The following SLC24A4 variants were observed in gnomAD, a reference collection of about 807,000 sequenced individuals.
SLC24A4 encodes the protein solute carrier family 24 member 4.
SLC24A4 carries 53 observed loss-of-function variants against 79.0 expected under a neutral mutation model. The observed-to-expected ratio is 0.67, with a 90% CI of 0.54 to 0.84. SLC24A4 has a LOEUF of 0.84. SLC24A4 is among the 40% of genes least tolerant of loss of function. The pLI is 0.00. For missense variants in SLC24A4, 731 were observed against 822.0 expected (o/e 0.89, Z 1.35); for synonymous variants, 323 against 323.8 (o/e 1.00, Z 0.03).
intron 2 of SLC24A4, among the ~76,000 whole-genome samples, chr14:92,338,645 A>G (rs933933441): frequency 1.3e-5 from 2 of 152,214 alleles, no homozygotes; most frequent in African/African-American, 4.8e-5. Context: ...AAGTTCAGGG[A>G]TGGCTGGGCA....
At chr14:92,324,904 T>C (rs1457459437) in intron 1 of SLC24A4, among the ~76,000 whole-genome samples, 5 of 152,224 alleles carry the variant, frequency 3.3e-5, no homozygotes, top group African/African-American at 1.2e-4. Flanking sequence ...CACTGATAGG[T>C]AAAAATCCAG....
chr14:92,375,904 G>A (rs1203021137), intron 2 of SLC24A4, among the ~76,000 whole-genome samples: 1 of 152,080 alleles, frequency 6.6e-6, no homozygotes, highest in East Asian at 1.9e-4. Context: ...CTTCCCAAAG[G>A]TGGTGTGTGC....
intron 2 of SLC24A4, among the ~76,000 whole-genome samples, chr14:92,362,882 C>T (rs932838822): frequency 5.3e-5 from 8 of 152,360 alleles, no homozygotes; most frequent in African/African-American, 1.9e-4. Context: ...TCTTCAAACT[C>T]AGTCAGCCAG....
At chr14:92,429,322 AC>A (rs1203332854) in intron 2 of SLC24A4, among the ~76,000 whole-genome samples, 2 of 151,848 alleles carry the variant, frequency 1.3e-5, no homozygotes, top group South Asian at 2.1e-4. Flanking sequence ...GTTTCTCAAA[AC>A]CCATTGAACT....
rs1889937663 is a variant in SLC24A4, at chr14:92,398,971, A to T, written c.242-34941A>T. Among the ~76,000 whole-genome samples, 1 of 152,224 alleles carries T rather than the reference A, an allele frequency of 6.6e-6. No homozygotes were observed. Among genetic ancestry groups the T allele is most frequent in the South Asian group, 2.1e-4 (1 of 4,826 alleles). ...TGTAACTCTCCAGTATTTGAGGATG[A>T]TCAAGTATCCTACTTCAGGGGGATT... On this transcript the variant is annotated intron_variant, in intron 2 of 16. Coordinates refer to ENST00000532405, the MANE Select transcript of SLC24A4 (RefSeq NM_153646.4). The surrounding 1 kb of genome is among the most constrained non-coding windows in gnomAD (Gnocchi z 4.1).
At chr14:92,373,462 C>G (rs1317471573) in intron 2 of SLC24A4, among the ~76,000 whole-genome samples, 1 of 152,230 alleles carries the variant, frequency 6.6e-6, no homozygotes, top group Non-Finnish European at 1.5e-5. Context: ...CAGCCAGTGT[C>G]TGACCCCCTC....
chr14:92,383,122 A>G (rs12435920), intron 2 of SLC24A4, among the ~76,000 whole-genome samples: 74,288 of 152,018 alleles, frequency 0.49, 19,486 homozygotes, highest in East Asian at 0.96. Context: ...ATGGCTTCAC[A>G]TTCGTCTTCA....
intron 12 of SLC24A4, among the ~76,000 whole-genome samples, chr14:92,476,141 G>A (rs954677353): frequency 1.3e-5 from 2 of 152,172 alleles, no homozygotes; most frequent in Admixed American, 6.5e-5. Flanking sequence ...CCGCAAAGAC[G>A]TTCCTGGGCA....
chr14:92,419,739 A>T (rs966684665), intron 2 of SLC24A4, among the ~76,000 whole-genome samples: 3 of 152,254 alleles, frequency 2.0e-5, no homozygotes, highest in Admixed American at 1.3e-4. Context: ...CTAAGAGTTC[A>T]TTCATACAGG....
intron 2 of SLC24A4, among the ~76,000 whole-genome samples, chr14:92,421,832 T>A (rs915988544): frequency 1.3e-5 from 2 of 152,138 alleles, no homozygotes; most frequent in African/African-American, 4.8e-5. Context: ...AAAACTTCAT[T>A]TTTTTAAAAA....
At chr14:92,409,440 C>T (rs754536646) in intron 2 of SLC24A4, among the ~76,000 whole-genome samples, 4 of 152,202 alleles carry the variant, frequency 2.6e-5, no homozygotes, top group Non-Finnish European at 5.9e-5. Flanking sequence ...CCATTTGGAG[C>T]TGTGCAGCTG....
At chr14:92,414,765 ACGTGGTTGCCACAATCT>A (rs2141802843) in intron 2 of SLC24A4, among the ~76,000 whole-genome samples, 1 of 152,248 alleles carries the variant, frequency 6.6e-6, no homozygotes, top group South Asian at 2.1e-4. Context: ...GAAAACAATC[ACGTGGTTGCCACAATCT>A]CAAATTGCTT....
At chr14:92,486,804 A>G in intron 14 of SLC24A4, 24 bp downstream of exon 14, 1 of 1,564,114 alleles carries the variant, frequency 6.4e-7, no homozygotes, top group Non-Finnish European at 8.8e-7. Flanking sequence ...CCCAGCCCTC[A>G]TAGTCATGCA....
chr14:92,456,836 C>T lies in SLC24A4; in HGVS notation c.1255+228C>T, dbSNP rs534346569. Among the ~76,000 whole-genome samples, 5 of 152,306 alleles carry T rather than the reference C, an allele frequency of 3.3e-5. No homozygotes were observed. In the South Asian group the frequency reaches 1.0e-3, roughly 32 times the overall value. On this transcript the variant is annotated intron_variant, in intron 12 of 16. Coordinates refer to ENST00000532405, the MANE Select transcript of SLC24A4 (RefSeq NM_153646.4). ...GCACCACCAAGTGCAGCAAGAGCCT[C>T]GGGCCAGAGAGCAGGGCGGCTGGAG...
intron 2 of SLC24A4, among the ~76,000 whole-genome samples, chr14:92,371,977 CACTT>C (rs3032593): frequency 0.77 from 116,979 of 151,844 alleles, 48,615 homozygotes; most frequent in East Asian, 0.94. Context: ...ATTCATCAGA[CACTT>C]ACTGACCACC....
intron 2 of SLC24A4, among the ~76,000 whole-genome samples, chr14:92,331,272 CT>C (rs1885460937): frequency 6.6e-6 from 1 of 152,072 alleles, no homozygotes; most frequent in South Asian, 2.1e-4. Context: ...GGTGCTAATT[CT>C]TAATTTTATT....
At chr14:92,415,131 C>T (rs1890911533) in intron 2 of SLC24A4, among the ~76,000 whole-genome samples, 1 of 152,180 alleles carries the variant, frequency 6.6e-6, no homozygotes, top group African/African-American at 2.4e-5. Context: ...GGAGGCCTGG[C>T]CTTGTTGAGA....
intron 7 of SLC24A4, 109 bp from the exon 8 acceptor site, chr14:92,445,208 A>C: frequency 8.4e-7 from 1 of 1,189,860 alleles, no homozygotes; most frequent in Non-Finnish European, 1.3e-6. Flanking sequence ...CATAACACAT[A>C]TAACAAGGCC....
rs1457439818 is a variant in SLC24A4 at position 92,346,978 on chromosome 14, A to G, written c.241+21000A>G. 3.3e-5 allele frequency among the ~76,000 whole-genome samples: 5 copies of G among 151,834 alleles called. No homozygotes were observed. The East Asian group carries it at 9.7e-4, about 29-fold the overall frequency. On this transcript the variant is annotated intron_variant, in intron 2 of 16. Coordinates refer to ENST00000532405, the MANE Select transcript of SLC24A4 (RefSeq NM_153646.4). ...TGGGGTAAGAATGACCCCAAGAGTC[A>G]GGGTTCGGCTGAGCTACCTCCTTTA...
Sources: allele counts gnomAD v4.1 joint callset (sites outside exome capture counted in the v4.1 genomes callset), GRCh38; gene constraint gnomAD v4.1.1; non-coding constraint Gnocchi (gnomAD v3.1); transcripts MANE v1.5; gene names NCBI Gene and HGNC (gene_info 2026-07-23, HGNC 2026-07-21).